The following PCSK5 variants were observed in gnomAD, a reference collection of about 807,000 sequenced individuals.
PCSK5 encodes the protein prohormone convertase 5.
A neutral mutation model predicts 233.2 loss-of-function variants in PCSK5; 129 were observed. The ratio of observed to expected loss-of-function variants is 0.55; its 90% CI spans 0.48 to 0.64. The LOEUF (loss-of-function observed/expected upper bound fraction) is 0.64, where lower values mean the gene tolerates loss of function less well. PCSK5 is among the 30% of genes least tolerant of loss of function. The pLI is 0.00. For synonymous variants in PCSK5, 825 were observed against 879.2 expected (o/e 0.94, Z 1.09); for missense variants, 2,076 against 2,430.1 (o/e 0.85, Z 3.06).
intron 1 of PCSK5, among the ~76,000 whole-genome samples, chr9:75,900,711 T>G (rs1355513072): frequency 2.0e-5 from 3 of 149,550 alleles, no homozygotes. Context: ...ACTTTTTTTT[T>G]TTTTTTTACC....
intron 2 of PCSK5, among the ~76,000 whole-genome samples, chr9:75,948,149 C>T (rs1563930894): frequency 1.3e-5 from 2 of 151,946 alleles, no homozygotes. Context: ...GCCTGGCTTC[C>T]CCACAGATAA....
chr9:76,174,096 A>G (rs746454894), intron 13 of PCSK5, among the ~76,000 whole-genome samples: 1 of 152,196 alleles, frequency 6.6e-6, no homozygotes, highest in Non-Finnish European at 1.5e-5. Context: ...GGTTAGTGTG[A>G]TGGAGAAGCT....
intron 7 of PCSK5, among the ~76,000 whole-genome samples, chr9:76,091,248 T>C (rs1831274698): frequency 6.6e-6 from 1 of 152,036 alleles, no homozygotes; most frequent in Non-Finnish European, 1.5e-5. Flanking sequence ...CTGGCCCTCC[T>C]CTGCTTGCAG....
At chr9:76,284,407 G>A (rs1298159599) in intron 24 of PCSK5, among the ~76,000 whole-genome samples, 4 of 151,800 alleles carry the variant, frequency 2.6e-5, no homozygotes, top group South Asian at 2.1e-4. Context: ...CAGATACCCC[G>A]CACACACTCT....
intron 7 of PCSK5, among the ~76,000 whole-genome samples, chr9:76,091,244 C>T (rs1180316239): frequency 6.6e-6 from 1 of 152,012 alleles, no homozygotes; most frequent in African/African-American, 2.4e-5. Flanking sequence ...GGTCCTGGCC[C>T]TCCTCTGCTT....
intron 3 of PCSK5, among the ~76,000 whole-genome samples, chr9:76,013,025 A>T (rs1409955004): frequency 6.6e-6 from 1 of 151,926 alleles, no homozygotes; most frequent in Non-Finnish European, 1.5e-5. Flanking sequence ...AAGCCAAAAA[A>T]ATCTGGAAAG....
At chr9:76,164,999 CCTT>C (rs1450263417) in intron 12 of PCSK5, among the ~76,000 whole-genome samples, 1 of 151,598 alleles carries the variant, frequency 6.6e-6, no homozygotes, top group Non-Finnish European at 1.5e-5. Flanking sequence ...GTTCCTTTCT[CCTT>C]CTCAATCTTT....
intron 9 of PCSK5, among the ~76,000 whole-genome samples, chr9:76,110,691 A>G (rs1832174210): frequency 6.6e-6 from 1 of 152,180 alleles, no homozygotes; most frequent in Non-Finnish European, 1.5e-5. Flanking sequence ...ATGAGACCTT[A>G]TCTCAAAAAA....
At chr9:76,095,677 A>T (rs1831480525) in intron 7 of PCSK5, among the ~76,000 whole-genome samples, 1 of 152,138 alleles carries the variant, frequency 6.6e-6, no homozygotes, top group Non-Finnish European at 1.5e-5. Context: ...ATTAGCCATT[A>T]TTATTGTCAT....
intron 2 of PCSK5, among the ~76,000 whole-genome samples, chr9:75,954,736 C>G (rs563985503): frequency 1.3e-5 from 2 of 152,260 alleles, no homozygotes; most frequent in South Asian, 2.1e-4. Context: ...CCAAACCAAG[C>G]CAGCACACTG....
At chr9:75,898,493 C>T (rs1231777501) in intron 1 of PCSK5, among the ~76,000 whole-genome samples, 1 of 152,122 alleles carries the variant, frequency 6.6e-6, no homozygotes, top group Non-Finnish European at 1.5e-5. Flanking sequence ...GTGGGCCAAT[C>T]ACTTTGTCTA....
At chr9:76,170,957 C>CA (rs1172287161) in intron 13 of PCSK5, among the ~76,000 whole-genome samples, 1 of 152,154 alleles carries the variant, frequency 6.6e-6, no homozygotes, top group Non-Finnish European at 1.5e-5. Context: ...TTGTTTGCCA[C>CA]AGTGGTCCCA....
At chr9:76,355,717 T>C (rs1201950978) in intron 37 of PCSK5, among the ~76,000 whole-genome samples, 1 of 151,624 alleles carries the variant, frequency 6.6e-6, no homozygotes, top group Non-Finnish European at 1.5e-5. Context: ...TTTTCTTTTT[T>C]TGTTTTGACA....
chr9:76,184,731 C>T lies in PCSK5; in HGVS notation c.2256C>T (p.Asn752=). 6.2e-7 allele frequency: 1 copy of T among 1,608,924 alleles called. No individual in the cohort carries two copies. The highest frequency in any genetic ancestry group is 2.2e-5 in the East Asian group (1 of 44,718). Residue 752 remains asparagine (N), a synonymous_variant, in exon 17 of 38, where the codon AAC becomes AAT. Coordinates refer to ENST00000674117, the MANE Select transcript of PCSK5 (RefSeq NM_001372043.1). ...ENCKTCTEFH[N]CTECRDGLSL... ...GCAAGACATGTACTGAATTCCATAA[C>T]TGTACAGAATGTAGGGATGGGTTAA...
chr9:76,292,642 G>A (rs767166033), intron 25 of PCSK5, among the ~76,000 whole-genome samples: 7 of 152,138 alleles, frequency 4.6e-5, no homozygotes, highest in Non-Finnish European at 7.3e-5. Flanking sequence ...CAGAGCGAAG[G>A]CTCCAGGGTG....
chr9:76,165,592 G>A (rs1587707145), intron 12 of PCSK5, among the ~76,000 whole-genome samples: 1 of 152,230 alleles, frequency 6.6e-6, no homozygotes, highest in Non-Finnish European at 1.5e-5. Context: ...GGATAGGGCT[G>A]TGGGGCACCA....
chr9:76,343,333 T>TTGTGTGTGTGTGTGTGTGTG (rs57513234), intron 35 of PCSK5, among the ~76,000 whole-genome samples: 1 of 133,812 alleles, frequency 7.5e-6, no homozygotes, highest in East Asian at 2.3e-4. Flanking sequence ...CCTGGGTAAT[T>TTGTGTGTGTGTGTGTGTGTG]TGTGTGTGTG....
At chr9:76,175,989 G>A (rs536214341) in intron 14 of PCSK5, among the ~76,000 whole-genome samples, 1 of 149,472 alleles carries the variant, frequency 6.7e-6, no homozygotes, top group East Asian at 2.0e-4. Flanking sequence ...ACTTATCACT[G>A]TTAAGTTTTG....
intron 20 of PCSK5, among the ~76,000 whole-genome samples, chr9:76,225,086 T>G (rs1305606302): frequency 6.6e-6 from 1 of 152,198 alleles, no homozygotes; most frequent in Non-Finnish European, 1.5e-5. Flanking sequence ...GCAAAGTAAT[T>G]GTCTTTGCCT....
Sources: gnomAD v4.1 joint callset for allele counts (sites outside exome capture counted in the v4.1 genomes callset) on GRCh38, gnomAD v4.1.1 for gene constraint, MANE v1.5 for transcripts, NCBI Gene and HGNC (gene_info 2026-07-23, HGNC 2026-07-21) for gene names.